The following GUCY1A1 variants were observed in gnomAD, a reference collection of about 807,000 sequenced individuals.
GUCY1A1 encodes guanylate cyclase soluble subunit alpha-1.
In GUCY1A1, 48 loss-of-function variants were observed where a neutral mutation model predicts 64.5. That is an observed-to-expected ratio of 0.74 (90% confidence interval 0.59 to 0.95). The LOEUF (loss-of-function observed/expected upper bound fraction) is 0.95. Among genes scored for constraint, GUCY1A1 ranks in the 40% least tolerant of loss-of-function variants. The pLI, the probability that GUCY1A1 is intolerant of heterozygous loss-of-function variation, is 0.00. For synonymous variants in GUCY1A1, 308 were observed against 303.4 expected (o/e 1.02, Z -0.16); for missense variants, 804 against 825.3 (o/e 0.97, Z 0.32).
intron 4 of GUCY1A1, among the ~76,000 whole-genome samples, chr4:155,705,993 T>C (rs1341730091): frequency 1.3e-5 from 2 of 152,212 alleles, no homozygotes; most frequent in African/African-American, 2.4e-5. Flanking sequence ...CTTAAGTCCT[T>C]GGCAGCCAGT....
chr4:155,713,059 A>G, intron 6 of GUCY1A1, 39 bp from the exon 7 acceptor site: 1 of 1,543,944 alleles, frequency 6.5e-7, no homozygotes. Context: ...GATGTGGGAA[A>G]CTTGAATAAA....
chr4:155,719,099 T>A (rs1270009750), intron 8 of GUCY1A1, among the ~76,000 whole-genome samples: 1 of 152,060 alleles, frequency 6.6e-6, no homozygotes, highest in Non-Finnish European at 1.5e-5. Flanking sequence ...ATGTTTGGGG[T>A]GGGGGAATTT....
intron 2 of GUCY1A1, among the ~76,000 whole-genome samples, chr4:155,683,230 CTAATAA>C (rs1242384387): frequency 6.6e-6 from 1 of 151,314 alleles, no homozygotes; most frequent in African/African-American, 2.4e-5. Context: ...AAAAACAACA[CTAATAA>C]TAAGTAAAAT....
chr4:155,698,442 G>A (rs1044896975), intron 3 of GUCY1A1, among the ~76,000 whole-genome samples: 20 of 152,200 alleles, frequency 1.3e-4, no homozygotes, highest in Admixed American at 9.2e-4. Context: ...GGAAACAATC[G>A]GTGCTCTCAT....
At chr4:155,682,016 A>G (rs1353645944) in intron 2 of GUCY1A1, among the ~76,000 whole-genome samples, 1 of 152,088 alleles carries the variant, frequency 6.6e-6, no homozygotes, top group Non-Finnish European at 1.5e-5. Flanking sequence ...ATCTTTCTAC[A>G]CAAAACTTCA....
At chr4:155,719,598 ACT>A (rs1438360235) in intron 8 of GUCY1A1, among the ~76,000 whole-genome samples, 5 of 152,094 alleles carry the variant, frequency 3.3e-5, no homozygotes, top group African/African-American at 1.2e-4. Context: ...TATTTTTCAA[ACT>A]CTATGCTTTC....
rs529725079 is a variant in GUCY1A1, at chr4:155,716,807, C to T, written c.1573-352C>T. Among the ~76,000 whole-genome samples, 6 of 151,972 alleles carry T rather than the reference C, an allele frequency of 3.9e-5. No individual in the cohort carries two copies. In the South Asian group the frequency reaches 1.2e-3, roughly 32 times the overall value. The stretch of plus-strand genomic sequence containing the variant: ...AGTAAATGATCCCAACATCTTTAAA[C>T]AATTTATTATAATTCAAAAATATAT... On this transcript the variant is annotated intron_variant, in intron 7 of 9. Transcript: ENST00000506455.
In GUCY1A1 at chr4:155,713,232, T is replaced by C. The variant is rs1200816046; in HGVS notation, c.1221T>C (p.Asn407=). 1 of 1,614,012 alleles carries C rather than the reference T, an allele frequency of 6.2e-7. No homozygotes were observed. Among genetic ancestry groups the C allele is most frequent in the Non-Finnish European group, 8.5e-7 (1 of 1,180,014 alleles). Residue 407 remains asparagine, a synonymous_variant, in exon 7 of 10, where the codon AAT becomes AAC. Transcript: ENST00000506455. ...GLYLSDIPIH[N]ALRDVVLIGE... is the part of the protein sequence containing the mutation. ...ACCTCTCAGACATCCCAATTCACAA[T>C]GCACTGAGGGATGTGGTCTTAATAG...
intron 8 of GUCY1A1, among the ~76,000 whole-genome samples, chr4:155,719,496 T>G (rs186702826): frequency 6.6e-6 from 1 of 152,292 alleles, no homozygotes; most frequent in East Asian, 1.9e-4. Context: ...GTCATGTCCA[T>G]GTGACTTCAA....
intron 4 of GUCY1A1, among the ~76,000 whole-genome samples, chr4:155,704,281 G>A (rs528890183): frequency 6.6e-6 from 1 of 152,290 alleles, no homozygotes; most frequent in South Asian, 2.1e-4. Flanking sequence ...ATTATTTTAA[G>A]CATGTAGTTA....
chr4:155,731,356 C>G lies in GUCY1A1; in HGVS notation c.*1125C>G, dbSNP rs1417236609. 2 of 151,200 alleles carry G rather than the reference C, an allele frequency of 1.3e-5. No homozygotes were observed. The highest frequency in any genetic ancestry group is 4.0e-4 in the East Asian group (2 of 5,032). The allele number at this position is 151,200 out of a possible 1,614,324, so 9.4% of individuals were successfully genotyped here. On this transcript the variant is annotated 3_prime_UTR_variant, in exon 10 of 10. Transcript: ENST00000506455. The stretch of plus-strand genomic sequence containing the variant: ...TGGTGTATGTCTATGAACTAAGAAT[C>G]AAGTTTTTGTCTCATTAAATATACA...
chr4:155,679,105 T>C (rs1368985958), intron 2 of GUCY1A1, among the ~76,000 whole-genome samples: 1 of 152,220 alleles, frequency 6.6e-6, no homozygotes, highest in African/African-American at 2.4e-5. Context: ...TTTGTTTATG[T>C]AATAATGTCT....
chr4:155,713,371 C>T lies in GUCY1A1; in HGVS notation c.1360C>T (p.Leu454=). Reference sequence around the variant, plus strand: ...GGAGAAGAAAAAGACAGTAGACCTTCTGTGCTCCATATTTCCCTGTGAGGT... The same window carrying T: ...GGAGAAGAAAAAGACAGTAGACCTTTTGTGCTCCATATTTCCCTGTGAGGT... The part of the protein sequence containing the change: ...EEEKKKTVDL[L]CSIFPCEVAQ... The change falls in exon 7 of 10, where the codon CTG becomes TTG. Residue 454 remains leucine, a synonymous_variant. Coordinates refer to ENST00000506455, the MANE Select transcript of GUCY1A1 (RefSeq NM_001130682.3). 1.2e-6 allele frequency: 2 copies of T among 1,614,192 alleles called. No individual in the cohort carries two copies. Among genetic ancestry groups the T allele is most frequent in the Non-Finnish European group, 1.7e-6 (2 of 1,180,032 alleles).
chr4:155,706,554 T>C (rs540705109), intron 4 of GUCY1A1, among the ~76,000 whole-genome samples: 9 of 151,624 alleles, frequency 5.9e-5, no homozygotes, highest in Non-Finnish European at 1.3e-4. Context: ...AGTGTTAGTA[T>C]AGCCATCATG....
chr4:155,671,186 G>C (rs1222210970), intron 2 of GUCY1A1, among the ~76,000 whole-genome samples: 2 of 152,088 alleles, frequency 1.3e-5, no homozygotes, highest in Non-Finnish European at 2.9e-5. Flanking sequence ...TGGTGACAGA[G>C]ACCCTTGTGT....
Position 155,722,377 on chromosome 4 carries a change from G to C in GUCY1A1, c.1871+185G>C. On this transcript the variant is annotated intron_variant, in intron 9 of 9. Transcript: ENST00000506455. ...CACTGCTTATTAGCCTCCTAAGAAT[G>C]ACTTGCCTGAGGTGTTTGTGGCCCA... 3 of 1,404,300 alleles carry C rather than the reference G, an allele frequency of 2.1e-6. No individual in the cohort carries two copies. In the South Asian group the frequency reaches 4.9e-5, roughly 23 times the overall value. 87.0% of individuals were successfully genotyped at this position (1,404,300 alleles called of 1,614,324 possible).
rs769565967 is a variant in GUCY1A1 at position 155,697,040 on chromosome 4, G to C, written c.173G>C (p.Ser58Thr). 2.5e-6 allele frequency: 4 copies of C among 1,613,264 alleles called. No homozygotes were observed. The South Asian group carries it at 4.4e-5, about 18-fold the overall frequency. Residue 58 changes from serine (S) to threonine (T), a missense_variant, in exon 3 of 10, where the codon AGT becomes ACT. Ser to Thr is a moderately conservative substitution (Grantham distance 58). Coordinates refer to ENST00000506455, the MANE Select transcript of GUCY1A1 (RefSeq NM_001130682.3). The stretch of plus-strand genomic sequence containing the variant: ...ATTCCTGAGAAGAACATACAAGAAA[G>C]TCTTCCTCAAAGAAAAACCAGTCGG... The part of the protein sequence containing the change: ...QDIPEKNIQE[S>T]LPQRKTSRSR...
At chr4:155,671,664 T>C (rs1365151384) in intron 2 of GUCY1A1, among the ~76,000 whole-genome samples, 1 of 152,174 alleles carries the variant, frequency 6.6e-6, no homozygotes, top group Non-Finnish European at 1.5e-5. Context: ...AGTAAGCATT[T>C]CTTTGACCAG....
At chr4:155,694,323 G>C (rs1730145956) in intron 2 of GUCY1A1, among the ~76,000 whole-genome samples, 1 of 152,030 alleles carries the variant, frequency 6.6e-6, no homozygotes, top group Non-Finnish European at 1.5e-5. Flanking sequence ...CAGGAGGATT[G>C]CTTGAGCCCA....
Sources: allele counts gnomAD v4.1 joint callset (sites outside exome capture counted in the v4.1 genomes callset), GRCh38; gene constraint gnomAD v4.1.1; transcripts MANE v1.5; gene names NCBI Gene and HGNC (gene_info 2026-07-23, HGNC 2026-07-21).